PRKG1: variants seen among roughly 807,000 people sequenced by gnomAD.
The protein encoded by PRKG1 is protein kinase cGMP-dependent 1, also known as cGMP-dependent protein kinase 1.
In PRKG1, 35 loss-of-function variants were observed where a neutral mutation model predicts 88.1. The ratio of observed to expected loss-of-function variants is 0.40; its 90% CI spans 0.30 to 0.53. The LOEUF (loss-of-function observed/expected upper bound fraction) is 0.53, where lower values mean the gene tolerates loss of function less well. PRKG1 is among the 20% of genes least tolerant of loss of function. The pLI, the probability that PRKG1 is intolerant of heterozygous loss-of-function variation, is 0.59. For missense variants in PRKG1, 540 were observed against 839.8 expected, an observed-to-expected ratio of 0.64 and a Z score of 4.41; for synonymous variants, 303 against 292.5, an observed-to-expected ratio of 1.04 and a Z score of -0.37.
chr10:51,216,569 C>A (rs985299728), intron 2 of PRKG1, among the ~76,000 whole-genome samples: 2 of 152,182 alleles, frequency 1.3e-5, no homozygotes, highest in African/African-American at 4.8e-5. Context: ...TGTGAATTAA[C>A]ATATGCAAAA....
intron 9 of PRKG1, among the ~76,000 whole-genome samples, chr10:52,233,184 C>CAAAAAAAA (rs3031022): frequency 7.0e-6 from 1 of 142,180 alleles, no homozygotes; most frequent in African/African-American, 2.6e-5. Flanking sequence ...AAAAGGGAGC[C>CAAAAAAAA]AAAAAAAAAA....
intron 2 of PRKG1, among the ~76,000 whole-genome samples, chr10:51,435,220 T>G (rs1199272043): frequency 6.6e-6 from 1 of 152,078 alleles, no homozygotes; most frequent in Non-Finnish European, 1.5e-5. Context: ...ATAAACATTT[T>G]TGGCTTGTAA....
chr10:51,907,562 C>G lies in PRKG1; in HGVS notation c.754C>G (p.Leu252Val). Residue 252 changes from leucine (L) to valine (V), a missense_variant, in exon 5 of 18, where the codon CTT (leucine) becomes GTT (valine). Around this residue, in one of 5 missense-constraint regions of PRKG1, gnomAD observed 400 missense variants for 562.7 expected, o/e 0.71. Transcript: ENST00000373980. ...EEILSKLADV[L>V]EETHYENGEY... Reference sequence around the variant, plus strand: ...GATCCTCAGCAAGCTTGCTGATGTCCTTGAAGAGGTAATTGTTTTTAGCCT... The same window carrying G: ...GATCCTCAGCAAGCTTGCTGATGTCGTTGAAGAGGTAATTGTTTTTAGCCT... 6.2e-7 allele frequency: 1 copy of G among 1,613,366 alleles called. No individual in the cohort carries two copies. The highest frequency in any genetic ancestry group is 8.5e-7 in the Non-Finnish European group (1 of 1,179,496).
At chr10:51,094,027 C>T (rs544385755) in intron 1 of PRKG1, among the ~76,000 whole-genome samples, 2 of 151,672 alleles carry the variant, frequency 1.3e-5, no homozygotes, top group South Asian at 4.2e-4. Flanking sequence ...GGCTTTAGAC[C>T]CCAGAATGGT....
intron 2 of PRKG1, among the ~76,000 whole-genome samples, chr10:51,321,804 A>AC (rs1490865689): frequency 2.0e-5 from 3 of 152,158 alleles, no homozygotes; most frequent in African/African-American, 7.2e-5. Flanking sequence ...GAGGTGATGG[A>AC]CACCCTACTT....
At chr10:51,439,795 A>G (rs934106260) in intron 2 of PRKG1, among the ~76,000 whole-genome samples, 2 of 151,898 alleles carry the variant, frequency 1.3e-5, no homozygotes, top group African/African-American at 4.8e-5. Context: ...TGTGTAAGTG[A>G]CATGTCAAGG....
chr10:51,857,036 A>T (rs1564677708), intron 4 of PRKG1, among the ~76,000 whole-genome samples: 1 of 151,936 alleles, frequency 6.6e-6, no homozygotes, highest in Non-Finnish European at 1.5e-5. Flanking sequence ...CTGCTGCTGC[A>T]ACTTTGCAAC....
chr10:51,855,111 A>C (rs943661406), intron 4 of PRKG1, among the ~76,000 whole-genome samples: 2 of 152,224 alleles, frequency 1.3e-5, no homozygotes, highest in African/African-American at 2.4e-5. Context: ...AAAGGTTATT[A>C]TTCCTAAAAC....
chr10:51,862,292 G>A (rs1840897668), intron 4 of PRKG1, among the ~76,000 whole-genome samples: 1 of 152,176 alleles, frequency 6.6e-6, no homozygotes, highest in South Asian at 2.1e-4. Flanking sequence ...ACGGGAGCTT[G>A]TGGTGCCCAG....
intron 3 of PRKG1, chr10:51,699,163 G>A: frequency 1.9e-6 from 3 of 1,614,162 alleles, no homozygotes; most frequent in Non-Finnish European, 2.5e-6. Context: ...CTACTGCTCT[G>A]GTAATCGATT....
At chr10:51,884,428 G>A (rs1172039499) in intron 4 of PRKG1, among the ~76,000 whole-genome samples, 2 of 90,864 alleles carry the variant, frequency 2.2e-5, no homozygotes, top group East Asian at 1.0e-3. Context: ...CTGGGCGACA[G>A]AGTGAAACTC....
intron 7 of PRKG1, among the ~76,000 whole-genome samples, chr10:52,125,540 C>G (rs1416922478): frequency 1.3e-5 from 2 of 152,062 alleles, no homozygotes; most frequent in Non-Finnish European, 2.9e-5. Flanking sequence ...CAGTGGATAC[C>G]AGAAACAGAT....
intron 2 of PRKG1, among the ~76,000 whole-genome samples, chr10:51,442,908 GT>G (rs1019128596): frequency 6.6e-5 from 10 of 151,970 alleles, no homozygotes; most frequent in Non-Finnish European, 1.3e-4. Flanking sequence ...GATCTTTCCT[GT>G]GGTTTCAGTC....
intron 7 of PRKG1, among the ~76,000 whole-genome samples, chr10:52,098,087 A>T (rs1847214078): frequency 6.6e-6 from 1 of 152,180 alleles, no homozygotes; most frequent in Admixed American, 6.5e-5. Flanking sequence ...GCAGTTGCAA[A>T]GTTAAAAGGA....
At chr10:51,592,348 G>A (rs2132209943) in intron 3 of PRKG1, among the ~76,000 whole-genome samples, 1 of 152,208 alleles carries the variant, frequency 6.6e-6, no homozygotes, top group Non-Finnish European at 1.5e-5. Context: ...TGCATGAGTG[G>A]GATCTACTAG....
intron 2 of PRKG1, among the ~76,000 whole-genome samples, chr10:51,206,447 G>T (rs1470330900): frequency 6.7e-6 from 1 of 150,052 alleles, no homozygotes; most frequent in African/African-American, 2.5e-5. Context: ...AGCCGAGATC[G>T]CTCCACTGCA....
intron 3 of PRKG1, among the ~76,000 whole-genome samples, chr10:51,684,582 A>C (rs1231434015): frequency 6.6e-6 from 1 of 152,070 alleles, no homozygotes; most frequent in East Asian, 1.9e-4. Flanking sequence ...TATATATATA[A>C]AATTTGGCCA....
At chr10:52,157,225 G>GGA in intron 8 of PRKG1, among the ~76,000 whole-genome samples, 1 of 141,830 alleles carries the variant, frequency 7.1e-6, no homozygotes, top group Non-Finnish European at 1.5e-5. Context: ...TACACACCAA[G>GGA]TATATATATA....
At chr10:52,168,191 A>C (rs561001228) in intron 9 of PRKG1, among the ~76,000 whole-genome samples, 28 of 152,226 alleles carry the variant, frequency 1.8e-4, no homozygotes, top group Non-Finnish European at 3.4e-4. Context: ...GGACTGAGGC[A>C]TATGTTAATC....
Sources: allele counts gnomAD v4.1 joint callset (sites outside exome capture counted in the v4.1 genomes callset), GRCh38; gene constraint gnomAD v4.1.1; regional missense constraint gnomAD v4.1.1; transcripts MANE v1.5; gene names NCBI Gene and HGNC (gene_info 2026-07-23, HGNC 2026-07-21).